Variants in SMYD3 observed in about 807,000 individuals in gnomAD.
The protein encoded by SMYD3 is SET and MYND domain containing 3.
A neutral mutation model predicts 57.7 loss-of-function variants in SMYD3; 36 were observed. That is an observed-to-expected ratio of 0.62 (90% CI 0.48 to 0.82). The LOEUF (loss-of-function observed/expected upper bound fraction) is 0.82. Ranked by LOEUF, SMYD3 falls within the 40% of genes least tolerant of loss-of-function variation. SMYD3 has a pLI of 0.00. For synonymous variants in SMYD3, 211 were observed against 195.0 expected (o/e 1.08, Z -0.68); for missense variants, 515 against 538.8 (o/e 0.96, Z 0.44).
chr1:245,762,649 G>C (rs1341689578), intron 11 of SMYD3, among the ~76,000 whole-genome samples: 1 of 152,180 alleles, frequency 6.6e-6, no homozygotes, highest in East Asian at 1.9e-4. Flanking sequence ...TGTTACTCCC[G>C]TTGGCCACAC....
intron 5 of SMYD3, among the ~76,000 whole-genome samples, chr1:246,221,890 C>G (rs2063260854): frequency 6.6e-6 from 1 of 152,168 alleles, no homozygotes; most frequent in African/African-American, 2.4e-5. Context: ...AAGGGCACCA[C>G]CAGTCACATG....
chr1:246,083,812 CA>C, intron 5 of SMYD3, among the ~76,000 whole-genome samples: 1 of 152,198 alleles, frequency 6.6e-6, no homozygotes, highest in East Asian at 1.9e-4. Flanking sequence ...TCCAAACAAA[CA>C]AAAAACCCAC....
At chr1:246,075,737 A>T (rs10924490) in intron 5 of SMYD3, among the ~76,000 whole-genome samples, 28,221 of 151,974 alleles carry the variant, frequency 0.19, 4,128 homozygotes, top group African/African-American at 0.4. Context: ...TTTCTTCAAA[A>T]TATATATGGC....
intron 5 of SMYD3, among the ~76,000 whole-genome samples, chr1:246,067,840 C>T (rs948428912): frequency 2.6e-5 from 4 of 152,092 alleles, no homozygotes; most frequent in Admixed American, 6.5e-5. Context: ...GCACCAAGGC[C>T]GGGAGAGGCT....
At chr1:246,348,194 T>C (rs572928795) in intron 2 of SMYD3, among the ~76,000 whole-genome samples, 100 of 151,608 alleles carry the variant, frequency 6.6e-4, no homozygotes, top group Non-Finnish European at 1.1e-3. Flanking sequence ...GGCAGGTGGA[T>C]TGCCTGAGGT....
At chr1:245,955,370 G>A (rs1028160271) in intron 5 of SMYD3, among the ~76,000 whole-genome samples, 8 of 152,186 alleles carry the variant, frequency 5.3e-5, no homozygotes, top group South Asian at 2.1e-4. Flanking sequence ...GAGCCACCGC[G>A]CCTGGCCGCC....
At chr1:245,793,109 A>T (rs1407473848) in intron 10 of SMYD3, among the ~76,000 whole-genome samples, 42 of 127,080 alleles carry the variant, frequency 3.3e-4, no homozygotes, top group Non-Finnish European at 3.2e-4. Context: ...GGAGATCAAG[A>T]CCATCCTGGC....
At chr1:245,890,122 A>C (rs1178864469) in intron 8 of SMYD3, among the ~76,000 whole-genome samples, 2 of 152,204 alleles carry the variant, frequency 1.3e-5, no homozygotes, top group Non-Finnish European at 2.9e-5. Flanking sequence ...TCAAACTACG[A>C]AACTACTAAA....
rs150243263 is a variant in SMYD3 at position 246,054,075 on chromosome 1, C to A, written c.532-124138G>T. On this transcript the variant is annotated intron_variant, in intron 5 of 11. Coordinates refer to ENST00000490107, the MANE Select transcript of SMYD3 (RefSeq NM_001167740.2). ...CATATAAAGAACTCTTACAACTCAA[C>A]AACATGAAAACAACCCAAAATAATA... 5.6e-3 allele frequency among the ~76,000 whole-genome samples: 846 copies of A among 152,212 alleles called. 3 individuals are homozygous for A. Among genetic ancestry groups the A allele is most frequent in the Non-Finnish European group, 9.2e-3 (627 of 68,002 alleles).
At position 246,481,621 on chromosome 1, in the gene SMYD3, T is replaced by TATATAC. The variant is rs1307881494; in HGVS notation, c.164+25432_164+25433insGTATAT. On this transcript the variant is annotated intron_variant, in intron 1 of 11. Coordinates refer to ENST00000490107, the MANE Select transcript of SMYD3 (RefSeq NM_001167740.2). ...ATATATATATATACACATACATATA[T>TATATAC]ACATACATACATACACATATTCATA... is the stretch of plus-strand genomic sequence containing the variant. Among the ~76,000 whole-genome samples, 28 of 98,534 alleles carry TATATAC rather than the reference T, an allele frequency of 2.8e-4. 1 individual carries two copies. Among genetic ancestry groups the TATATAC allele is most frequent in the Middle Eastern group, 6.0e-3 (1 of 166 alleles). 64.6% of individuals were successfully genotyped at this position (98,534 alleles called of 152,430 possible).
intron 8 of SMYD3, among the ~76,000 whole-genome samples, chr1:245,880,580 T>C (rs1195407778): frequency 6.6e-6 from 1 of 152,236 alleles, no homozygotes; most frequent in Non-Finnish European, 1.5e-5. Flanking sequence ...TTCAACGAAG[T>C]ATCAGGTAAA....
intron 10 of SMYD3, among the ~76,000 whole-genome samples, chr1:245,800,698 A>T (rs955015840): frequency 2.0e-5 from 3 of 152,210 alleles, no homozygotes; most frequent in Non-Finnish European, 4.4e-5. Flanking sequence ...GTACAAATGC[A>T]TAAGAAAAGA....
intron 5 of SMYD3, among the ~76,000 whole-genome samples, chr1:246,149,236 C>T (rs888408165): frequency 6.6e-6 from 1 of 152,118 alleles, no homozygotes; most frequent in Non-Finnish European, 1.5e-5. Context: ...CTTTTCTCTA[C>T]GAAGAAACTG....
chr1:246,488,338 A>G (rs78151433), intron 1 of SMYD3, among the ~76,000 whole-genome samples: 2,450 of 152,344 alleles, frequency 0.016, 30 homozygotes, highest in Non-Finnish European at 0.024. Context: ...TCAAAAAGCA[A>G]AAACAGAAGA....
chr1:246,049,854 C>G (rs2060037136), intron 5 of SMYD3, among the ~76,000 whole-genome samples: 3 of 152,140 alleles, frequency 2.0e-5, no homozygotes, highest in Admixed American at 2.0e-4. Context: ...ACTGCATAAC[C>G]CATCTCAATG....
chr1:246,200,419 G>T (rs375561359), intron 5 of SMYD3, among the ~76,000 whole-genome samples: 1 of 147,366 alleles, frequency 6.8e-6, no homozygotes, highest in Non-Finnish European at 1.5e-5. Flanking sequence ...GTAAACAGAC[G>T]CCCACTGTGA....
intron 5 of SMYD3, among the ~76,000 whole-genome samples, chr1:246,295,261 T>TCC (rs1455607181): frequency 8.5e-5 from 13 of 152,254 alleles, no homozygotes; most frequent in Non-Finnish European, 1.5e-5. Context: ...TTACTTAGTA[T>TCC]CTCTTACAGA....
chr1:245,877,163 C>T (rs1022274436), intron 8 of SMYD3, among the ~76,000 whole-genome samples: 2 of 152,192 alleles, frequency 1.3e-5, no homozygotes, highest in East Asian at 1.9e-4. Flanking sequence ...GGCAGCTCCC[C>T]GGCCCTCTGC....
At chr1:245,889,141 A>C (rs1030307867) in intron 8 of SMYD3, among the ~76,000 whole-genome samples, 4 of 152,224 alleles carry the variant, frequency 2.6e-5, no homozygotes, top group Non-Finnish European at 5.9e-5. Flanking sequence ...AAGTTAGGTA[A>C]GGTCAAACAT....
Sources: gnomAD v4.1 joint callset for allele counts (sites outside exome capture counted in the v4.1 genomes callset) on GRCh38, gnomAD v4.1.1 for gene constraint, MANE v1.5 for transcripts, NCBI Gene and HGNC (gene_info 2026-07-23, HGNC 2026-07-21) for gene names.